STK17B: variants seen among roughly 807,000 people sequenced by gnomAD.
STK17B encodes the protein serine/threonine kinase 17b.
In STK17B, 21 loss-of-function variants were observed where a neutral mutation model predicts 42.0. The ratio of observed to expected loss-of-function variants is 0.50; its 90% CI spans 0.35 to 0.72. The LOEUF (loss-of-function observed/expected upper bound fraction) is 0.72, where lower values mean the gene tolerates loss of function less well. Among genes scored for constraint, STK17B ranks in the 30% least tolerant of loss-of-function variants. The pLI, the probability that STK17B is intolerant of heterozygous loss-of-function variation, is 0.00. For synonymous variants in STK17B, 143 were observed against 148.4 expected (o/e 0.96, Z 0.26); for missense variants, 349 against 446.0 (o/e 0.78, Z 1.96).
intron 1 of STK17B, among the ~76,000 whole-genome samples, chr2:196,163,944 C>A (rs1699844692): frequency 6.6e-6 from 1 of 151,866 alleles, no homozygotes; most frequent in Admixed American, 6.6e-5. Flanking sequence ...GAGGCTGAGG[C>A]AGGAGCATCA....
At chr2:196,143,348 C>T (rs1699519816) in intron 5 of STK17B, among the ~76,000 whole-genome samples, 1 of 151,990 alleles carries the variant, frequency 6.6e-6, no homozygotes, top group Non-Finnish European at 1.5e-5. Context: ...CTTACATATT[C>T]AGTGTCCCCT....
At chr2:196,168,079 C>T (rs1045716746) in intron 1 of STK17B, among the ~76,000 whole-genome samples, 3 of 152,174 alleles carry the variant, frequency 2.0e-5, no homozygotes, top group Admixed American at 1.3e-4. Context: ...TTATATTCCT[C>T]ATATGTATTC....
At chr2:196,148,476 C>A (rs7606878) in intron 3 of STK17B, among the ~76,000 whole-genome samples, 97,578 of 151,972 alleles carry the variant, frequency 0.64, 31,630 homozygotes, top group East Asian at 0.91. Context: ...CAATCATAAG[C>A]AAATAAGAAA....
In STK17B at chr2:196,137,649, T is replaced by C; in HGVS notation, c.917A>G (p.Glu306Gly). 6.2e-7 allele frequency: 1 copy of C among 1,614,110 alleles called. No homozygotes were observed. Among genetic ancestry groups the C allele is most frequent in the Non-Finnish European group, 8.5e-7 (1 of 1,180,000 alleles). The change falls in exon 8 of 8, where the codon GAA (glutamate) becomes GGA (glycine). Residue 306 changes from glutamate to glycine, a missense_variant. Transcript: ENST00000263955. Reference protein sequence around the residue: ...WDFENLFHPEETSSSSQTQDH... With the variant: ...WDFENLFHPEGTSSSSQTQDH... ...CTGAGTTTGAGAGGAACTGGAAGTT[T>C]CTTCAGGGTGAAACAAGTTTTCAAA...
intron 1 of STK17B, chr2:196,170,875 G>C (rs560568481): frequency 2.0e-5 from 3 of 152,236 alleles, no homozygotes; most frequent in Non-Finnish European, 4.4e-5. Context: ...ACGCGTCCAC[G>C]AGTCCCGATG....
intron 2 of STK17B, among the ~76,000 whole-genome samples, chr2:196,162,316 T>G (rs749236060): frequency 2.6e-5 from 4 of 152,132 alleles, no homozygotes; most frequent in Non-Finnish European, 5.9e-5. Context: ...TATAAACCAC[T>G]CATTTGTTGT....
intron 2 of STK17B, among the ~76,000 whole-genome samples, chr2:196,163,014 T>A (rs977215171): frequency 6.6e-6 from 1 of 152,170 alleles, no homozygotes; most frequent in Non-Finnish European, 1.5e-5. Flanking sequence ...CACAGCCTCA[T>A]GTAACGACAG....
chr2:196,153,788 T>C (rs1241277930), intron 3 of STK17B: 2 of 151,998 alleles, frequency 1.3e-5, no homozygotes, highest in Non-Finnish European at 2.9e-5. Context: ...AATTTGAGCA[T>C]GAAAAAAAGA....
intron 3 of STK17B, chr2:196,153,666 G>A (rs1699698709): frequency 6.6e-6 from 1 of 152,060 alleles, no homozygotes; most frequent in African/African-American, 2.4e-5. Context: ...ATAACAAGAT[G>A]ACCCTGGAAA....
At chr2:196,141,360 A>C (rs1699491327) in intron 5 of STK17B, 63 bp from the exon 6 acceptor site, 1 of 1,331,116 alleles carries the variant, frequency 7.5e-7, no homozygotes, top group African/African-American at 1.5e-5. Flanking sequence ...AAATCACTTT[A>C]TATTACGTTA....
intron 3 of STK17B, among the ~76,000 whole-genome samples, chr2:196,147,914 G>C (rs1699604322): frequency 6.6e-6 from 1 of 151,952 alleles, no homozygotes; most frequent in South Asian, 2.1e-4. Context: ...GTATTTATTA[G>C]AGATAAGGTT....
Position 196,146,059 on chromosome 2 carries a change from A to C in STK17B, c.336-4T>G, listed in dbSNP as rs374634961. ...GAAAATTTCTCCACCTGCAGCACTA[A>C]AATAAAATTCAAAGAACAGAGACTT... On this transcript the variant is annotated splice_region_variant and splice_polypyrimidine_tract_variant and intron_variant, in intron 3 of 7. Transcript: ENST00000263955. 25 of 1,576,754 alleles carry C rather than the reference A, an allele frequency of 1.6e-5. No individual in the cohort carries two copies. The highest frequency in any genetic ancestry group is 6.9e-5 in the African/African-American group (5 of 72,518).
Position 196,143,724 on chromosome 2 carries a change from C to T in STK17B, c.481-38G>A, listed in dbSNP as rs758915789. On this transcript the variant is annotated intron_variant, in intron 4 of 7. Coordinates refer to ENST00000263955, the MANE Select transcript of STK17B (RefSeq NM_004226.4). ...CAACAAAAACATGATAAGTAATATA[C>T]AAAAAAGCATACTAGTCTCAGATGG... 6 of 1,441,858 alleles carry T rather than the reference C, an allele frequency of 4.2e-6. No homozygotes were observed. In the African/African-American group the frequency reaches 7.2e-5, roughly 17 times the overall value. 89.3% of individuals were successfully genotyped at this position (1,441,858 alleles called of 1,614,324 possible). A position where few individuals can be genotyped will look rare whatever the true frequency, so the allele number is the denominator to read the frequency against.
Position 196,137,732 on chromosome 2 carries a change from T to G in STK17B, c.837-3A>C. ...ATATCTCTGCTGTTGGTCTTTTCCT[T>G]TGAAAGAAAGCACCAAGGGAAAATT... On this transcript the variant is annotated splice_region_variant and splice_polypyrimidine_tract_variant and intron_variant, in intron 7 of 7. Coordinates refer to ENST00000263955, the MANE Select transcript of STK17B (RefSeq NM_004226.4). 6.3e-7 allele frequency: 1 copy of G among 1,598,148 alleles called. No homozygotes were observed. Among genetic ancestry groups the G allele is most frequent in the Non-Finnish European group, 8.5e-7 (1 of 1,171,450 alleles).
In STK17B at chr2:196,136,681, G is replaced by A. The variant is rs1419756501; in HGVS notation, c.*766C>T. ...ATCTTCTACTCTAGAAATTCTGGAGGATTAAAAAACTCTACACTTGCATAC... is the reference window on the plus strand; with the variant it reads ...ATCTTCTACTCTAGAAATTCTGGAGAATTAAAAAACTCTACACTTGCATAC... On this transcript the variant is annotated 3_prime_UTR_variant, in exon 8 of 8. Coordinates refer to ENST00000263955, the MANE Select transcript of STK17B (RefSeq NM_004226.4). The A allele has an allele frequency of 6.6e-6, 1 of 152,018 alleles. No homozygotes were observed. Among genetic ancestry groups the A allele is most frequent in the African/African-American group, 2.4e-5 (1 of 41,374 alleles). 9.4% of individuals were successfully genotyped at this position (152,018 alleles called of 1,614,324 possible).
At chr2:196,158,847 T>C (rs1699774177) in intron 2 of STK17B, among the ~76,000 whole-genome samples, 1 of 151,846 alleles carries the variant, frequency 6.6e-6, no homozygotes, top group Non-Finnish European at 1.5e-5. Context: ...CCGTCTCTAC[T>C]AAAAATACAA....
At chr2:196,155,805 T>A (rs998700402) in intron 3 of STK17B, among the ~76,000 whole-genome samples, 1 of 152,162 alleles carries the variant, frequency 6.6e-6, no homozygotes, top group Non-Finnish European at 1.5e-5. Flanking sequence ...ACCTTAACAA[T>A]CCTCTACCCC....
chr2:196,171,847 T>G (rs543612684), upstream of STK17B, among the ~76,000 whole-genome samples: 1 of 150,614 alleles, frequency 6.6e-6, no homozygotes, highest in South Asian at 2.1e-4. Flanking sequence ...GGGGCGGCGC[T>G]GCAGAGGGGG....
intron 2 of STK17B, among the ~76,000 whole-genome samples, chr2:196,161,635 C>T (rs1297818087): frequency 6.7e-6 from 1 of 148,664 alleles, no homozygotes; most frequent in Non-Finnish European, 1.5e-5. Flanking sequence ...TCTTCTGCCT[C>T]AGCCTCCTGA....
Sources: allele counts gnomAD v4.1 joint callset (sites outside exome capture counted in the v4.1 genomes callset), GRCh38; gene constraint gnomAD v4.1.1; transcripts MANE v1.5; gene names NCBI Gene and HGNC (gene_info 2026-07-23, HGNC 2026-07-21).